PIGN: variants seen among roughly 807,000 people sequenced by gnomAD.
PIGN encodes the protein GPI ethanolamine phosphate transferase 1.
PIGN carries 117 observed loss-of-function variants against 125.4 expected under a neutral mutation model. The observed-to-expected ratio is 0.93, with a 90% CI of 0.80 to 1.09. PIGN has a LOEUF of 1.09. PIGN is among the 50% of genes least tolerant of loss of function. The pLI is 0.00. For missense variants in PIGN, 1,075 were observed against 1,094.9 expected, an observed-to-expected ratio of 0.98 and a Z score of 0.26; for synonymous variants, 392 against 377.8, an observed-to-expected ratio of 1.04 and a Z score of -0.44.
chr18:62,114,482 C>T (rs1404038051), intron 15 of PIGN, 79 bp downstream of exon 15: 6 of 843,048 alleles, frequency 7.1e-6, no homozygotes, highest in African/African-American at 1.7e-5. Context: ...CCCTGGCCTG[C>T]CTACTTTGCT....
chr18:62,179,328 C>T (rs1419724467), intron 1 of PIGN, among the ~76,000 whole-genome samples: 1 of 152,198 alleles, frequency 6.6e-6, no homozygotes, highest in Admixed American at 6.5e-5. Flanking sequence ...TCACTACGTG[C>T]AGCCAACACT....
At chr18:62,109,372 T>G (rs1187235623) in intron 17 of PIGN, among the ~76,000 whole-genome samples, 3 of 148,354 alleles carry the variant, frequency 2.0e-5, no homozygotes, top group Non-Finnish European at 3.0e-5. Context: ...GTATTAGATT[T>G]AACTACAAAG....
intron 14 of PIGN, among the ~76,000 whole-genome samples, chr18:62,130,953 T>C (rs575886563): frequency 2.8e-4 from 42 of 152,258 alleles, no homozygotes; most frequent in African/African-American, 9.9e-4. Flanking sequence ...ATGTCATAAG[T>C]GAATAAATGA....
At chr18:62,022,431 T>C (rs2144864239) in intron 23 of PIGN, among the ~76,000 whole-genome samples, 1 of 152,332 alleles carries the variant, frequency 6.6e-6, no homozygotes, top group East Asian at 1.9e-4. Flanking sequence ...GCCACACCTA[T>C]AATTAAAGAA....
chr18:62,106,797 G>C lies in PIGN; in HGVS notation c.1759C>G (p.Arg587Gly), dbSNP rs376226764. Reference sequence around the variant, plus strand: ...AAAATGAGTACTCATACCTTTGCTCGAGTCCACAGCCGAGTGAGAAATGGC... The same window carrying C: ...AAAATGAGTACTCATACCTTTGCTCCAGTCCACAGCCGAGTGAGAAATGGC... ...AWPFLTRLWT[R>G]AKMTSLSWTF... The change falls in exon 19 of 31, where the codon CGA (arginine) becomes GGA (glycine). Residue 587 changes from arginine to glycine, a missense_variant. Coordinates refer to ENST00000640252, the MANE Select transcript of PIGN (RefSeq NM_176787.5). 4 of 1,603,330 alleles carry C rather than the reference G, an allele frequency of 2.5e-6. No individual in the cohort carries two copies. In the East Asian group the frequency reaches 9.0e-5, roughly 36 times the overall value.
chr18:62,083,356 G>T (rs1210079853), intron 27 of PIGN, among the ~76,000 whole-genome samples: 1 of 152,006 alleles, frequency 6.6e-6, no homozygotes, highest in Non-Finnish European at 1.5e-5. Flanking sequence ...AATATCTTGA[G>T]GTATTGCTTT....
At chr18:62,046,817 T>C (rs1338267231) in intron 30 of PIGN, among the ~76,000 whole-genome samples, 1 of 152,184 alleles carries the variant, frequency 6.6e-6, no homozygotes, top group Non-Finnish European at 1.5e-5. Flanking sequence ...GAATCCATGA[T>C]GTGGAACCCA....
At chr18:62,173,149 C>T (rs1403279219) in intron 1 of PIGN, among the ~76,000 whole-genome samples, 3 of 152,228 alleles carry the variant, frequency 2.0e-5, no homozygotes, top group Non-Finnish European at 4.4e-5. Flanking sequence ...TGATCCAAAT[C>T]ATGCAAATAA....
At chr18:62,057,449 A>C (rs1344618771) in intron 30 of PIGN, among the ~76,000 whole-genome samples, 1 of 152,118 alleles carries the variant, frequency 6.6e-6, no homozygotes, top group Admixed American at 6.5e-5. Context: ...ACCTCTCTGA[A>C]AATATTTTCT....
At chr18:62,169,184 G>A (rs1032637992) in intron 1 of PIGN, among the ~76,000 whole-genome samples, 1 of 151,984 alleles carries the variant, frequency 6.6e-6, no homozygotes, top group Non-Finnish European at 1.5e-5. Flanking sequence ...AGATTTGTTT[G>A]CATTTTTGAA....
intron 10 of PIGN, among the ~76,000 whole-genome samples, chr18:62,145,008 CGG>C (rs33928407): frequency 0.14 from 18,982 of 140,320 alleles, 1,608 homozygotes; most frequent in Non-Finnish European, 0.17. Context: ...AGGAAACTGG[CGG>C]GGGGGGGGGG....
chr18:62,161,360 T>C lies in PIGN; in HGVS notation c.-7A>G, dbSNP rs1314315882. 13 of 1,593,098 alleles carry C rather than the reference T, an allele frequency of 8.2e-6. No homozygotes were observed. The highest frequency in any genetic ancestry group is 1.1e-5 in the South Asian group (1 of 89,584). ...AAGTAAAGAACAGCAGCATATCCAG[T>C]GTAACTAATTAGTCTTCAAGAACAG... On this transcript the variant is annotated 5_prime_UTR_variant, in exon 4 of 31. Transcript: ENST00000640252.
rs753308994 is a variant in PIGN, at chr18:62,085,266, T to C, written c.2371-2A>G. 2 of 1,540,078 alleles carry C rather than the reference T, an allele frequency of 1.3e-6. No homozygotes were observed. The highest frequency in any genetic ancestry group is 2.4e-5 in the South Asian group (2 of 83,146). The stretch of plus-strand genomic sequence containing the variant: ...AAATGCTGTCACTAAGAAGAAAACC[T>C]AAAGGGAGTCAAGGAAATGGCAAAA... On this transcript the variant is annotated splice_acceptor_variant, in intron 25 of 30. Coordinates refer to ENST00000640252, the MANE Select transcript of PIGN (RefSeq NM_176787.5). LOFTEE classifies it high-confidence loss of function.
intron 14 of PIGN, chr18:62,137,408 CA>C: frequency 6.7e-6 from 2 of 297,762 alleles, no homozygotes; most frequent in Non-Finnish European, 1.2e-5. Context: ...TTATGTGAGT[CA>C]ATACTCCTTA....
chr18:62,157,244 A>G lies in PIGN; in HGVS notation c.344-17T>C. ...CCTTCCATCCTTCAGAAAGCAAGCA[A>G]GCAGTAATAGTTATATACACATGGT... On this transcript the variant is annotated splice_polypyrimidine_tract_variant and intron_variant, in intron 5 of 30. Coordinates refer to ENST00000640252, the MANE Select transcript of PIGN (RefSeq NM_176787.5). The G allele has an allele frequency of 7.2e-7, 1 of 1,392,856 alleles. No homozygotes were observed. The highest frequency in any genetic ancestry group is 1.0e-6 in the Non-Finnish European group (1 of 985,936). The allele number at this position is 1,392,856 out of a possible 1,614,324, so 86.3% of individuals were successfully genotyped here. A position where few individuals can be genotyped will look rare whatever the true frequency, so the allele number is the denominator to read the frequency against.
At chr18:62,170,701 A>T (rs1309689869) in intron 1 of PIGN, among the ~76,000 whole-genome samples, 1 of 152,242 alleles carries the variant, frequency 6.6e-6, no homozygotes, top group Non-Finnish European at 1.5e-5. Context: ...CAAAAGTTAG[A>T]GATGATTAAG....
chr18:62,140,423 T>C lies in PIGN; in HGVS notation c.1020A>G (p.Ser340=). ...SLIGVPFPLN[S]VGILPVDYLN... is the part of the protein sequence containing the mutation. ...ATAATAAAATTTTATTCCTTACCAC[T>C]GAGTTAAGAGGAAAGGGAACTCCAA... Residue 340 remains serine, a synonymous_variant, in exon 12 of 31, where the codon TCA becomes TCG. Coordinates refer to ENST00000640252, the MANE Select transcript of PIGN (RefSeq NM_176787.5). 3 of 1,453,028 alleles carry C rather than the reference T, an allele frequency of 2.1e-6. No homozygotes were observed. The highest frequency in any genetic ancestry group is 2.9e-6 in the Non-Finnish European group (3 of 1,052,148). 90.0% of individuals were successfully genotyped at this position (1,453,028 alleles called of 1,614,324 possible).
At chr18:62,031,858 C>G (rs1203607253) in intron 23 of PIGN, among the ~76,000 whole-genome samples, 1 of 152,142 alleles carries the variant, frequency 6.6e-6, no homozygotes, top group African/African-American at 2.4e-5. Context: ...TTATCACAAA[C>G]AGAGTGGCTT....
chr18:62,062,816 G>C (rs920066065), intron 30 of PIGN, among the ~76,000 whole-genome samples: 26 of 146,464 alleles, frequency 1.8e-4, no homozygotes, highest in African/African-American at 5.8e-4. Context: ...TATAAGTGCT[G>C]ATATGTCATT....
Sources: gnomAD v4.1 joint callset for allele counts (sites outside exome capture counted in the v4.1 genomes callset) on GRCh38, gnomAD v4.1.1 for gene constraint, MANE v1.5 for transcripts, NCBI Gene and HGNC (gene_info 2026-07-23, HGNC 2026-07-21) for gene names.